The following GPHN variants were observed in gnomAD, a reference collection of about 807,000 sequenced individuals.
The protein encoded by GPHN is gephyrin.
In GPHN, 17 loss-of-function variants were observed where a neutral mutation model predicts 95.5. That is an observed-to-expected ratio of 0.18 (90% CI 0.12 to 0.27). The LOEUF (loss-of-function observed/expected upper bound fraction) is 0.27, where lower values mean the gene tolerates loss of function less well. GPHN is among the 10% of genes least tolerant of loss of function. The pLI, the probability that GPHN is intolerant of heterozygous loss-of-function variation, is 1.00. For synonymous variants in GPHN, 320 were observed against 322.5 expected (o/e 0.99, Z 0.08); for missense variants, 660 against 978.1 (o/e 0.67, Z 4.34).
chr14:66,718,620 T>G (rs952626160), intron 2 of GPHN, among the ~76,000 whole-genome samples: 2 of 152,154 alleles, frequency 1.3e-5, no homozygotes, highest in African/African-American at 2.4e-5. Flanking sequence ...GAGTGCTGAT[T>G]GGTGCGTTTA....
At chr14:67,334,934 C>CTAT in the GPHN span, 1 of 152,192 alleles carries the variant, frequency 6.6e-6, no homozygotes, top group Non-Finnish European at 1.5e-5. Flanking sequence ...AAGAGCTAAA[C>CTAT]TATTGGCAGT....
chr14:66,926,180 C>T (rs915963920), intron 8 of GPHN, among the ~76,000 whole-genome samples: 1 of 152,040 alleles, frequency 6.6e-6, no homozygotes, highest in African/African-American at 2.4e-5. Flanking sequence ...AATATTTTCT[C>T]CCATACCTTG....
chr14:66,746,584 G>C lies in GPHN; in HGVS notation c.144-29880G>C, dbSNP rs895117054. On this transcript the variant is annotated intron_variant, in intron 2 of 22. Coordinates refer to ENST00000478722, the MANE Select transcript of GPHN (RefSeq NM_020806.5). Reference sequence around the variant, plus strand: ...AAATCCATAAATGGGCAGATCCAGGGTGAGTAAAAGTTCAAAACAACTTTA... The same window carrying C: ...AAATCCATAAATGGGCAGATCCAGGCTGAGTAAAAGTTCAAAACAACTTTA... Among the ~76,000 whole-genome samples, 967 of 152,228 alleles carry C rather than the reference G, an allele frequency of 6.4e-3. 12 individuals are homozygous for C. Among genetic ancestry groups the C allele is most frequent in the African/African-American group, 0.022 (921 of 41,534 alleles).
the GPHN span, among the ~76,000 whole-genome samples, chr14:67,228,706 G>A: frequency 6.6e-6 from 1 of 152,110 alleles, no homozygotes; most frequent in African/African-American, 2.4e-5. Context: ...GGGATTGATG[G>A]AAAAATTTGT....
Position 66,725,063 on chromosome 14 carries a change from G to A in GPHN, c.143+43878G>A, listed in dbSNP as rs556464067. Among the ~76,000 whole-genome samples, 6 of 152,276 alleles carry A rather than the reference G, an allele frequency of 3.9e-5. No homozygotes were observed. The South Asian group carries it at 1.2e-3, about 32-fold the overall frequency. ...CTTCTTATAGGGCCACAGTCTTAATGCAATAGGACGGTGGCCTTATAACAA... is the reference window on the plus strand; with the variant it reads ...CTTCTTATAGGGCCACAGTCTTAATACAATAGGACGGTGGCCTTATAACAA... On this transcript the variant is annotated intron_variant, in intron 2 of 22. Coordinates refer to ENST00000478722, the MANE Select transcript of GPHN (RefSeq NM_020806.5).
chr14:67,404,046 G>A, the GPHN span, among the ~76,000 whole-genome samples: 29 of 151,490 alleles, frequency 1.9e-4, no homozygotes, highest in Non-Finnish European at 3.8e-4. Context: ...CAGTGAGACT[G>A]CCAAAAAAAT....
intron 4 of GPHN, among the ~76,000 whole-genome samples, chr14:66,849,468 GA>G (rs1448761225): frequency 6.6e-6 from 1 of 151,866 alleles, no homozygotes; most frequent in Non-Finnish European, 1.5e-5. Flanking sequence ...TACCCTCTTA[GA>G]ATATGTACAA....
At chr14:66,508,743 G>A in intron 1 of GPHN, 152 bp downstream of exon 1, 1 of 730,322 alleles carries the variant, frequency 1.4e-6, no homozygotes, top group African/African-American at 1.7e-5. Flanking sequence ...GCTGAGAACC[G>A]CCGGAGATTG....
At chr14:66,703,099 A>G (rs1285755297) in intron 2 of GPHN, among the ~76,000 whole-genome samples, 1 of 152,216 alleles carries the variant, frequency 6.6e-6, no homozygotes, top group Non-Finnish European at 1.5e-5. Context: ...GAGATAAAAG[A>G]ATGAAAAGGA....
chr14:66,938,800 A>G (rs2067252731), intron 8 of GPHN, among the ~76,000 whole-genome samples: 1 of 152,206 alleles, frequency 6.6e-6, no homozygotes, highest in Non-Finnish European at 1.5e-5. Flanking sequence ...TGTAACCAAT[A>G]ATATCAAAAT....
At chr14:67,378,777 G>C in the GPHN span, among the ~76,000 whole-genome samples, 4 of 152,058 alleles carry the variant, frequency 2.6e-5, no homozygotes, top group Non-Finnish European at 5.9e-5. Flanking sequence ...TTTAACTAAT[G>C]CTAGTTCTTT....
chr14:67,662,957 AC>A, the GPHN span: 1 of 1,332,206 alleles, frequency 7.5e-7, no homozygotes, highest in African/African-American at 1.5e-5. Context: ...GAAACCCCTC[AC>A]CACTCCCACA....
chr14:66,996,676 T>C (rs962065070), intron 9 of GPHN, among the ~76,000 whole-genome samples: 26 of 152,158 alleles, frequency 1.7e-4, no homozygotes, highest in Non-Finnish European at 2.6e-4. Context: ...CAAAATTGAT[T>C]ATTAAATAGA....
At chr14:67,252,012 G>A in the GPHN span, among the ~76,000 whole-genome samples, 2 of 152,090 alleles carry the variant, frequency 1.3e-5, no homozygotes, top group Admixed American at 6.5e-5. Context: ...TCAAGGTGCT[G>A]GGAGGCTGGT....
chr14:67,316,790 T>C, the GPHN span: 28 of 1,531,912 alleles, frequency 1.8e-5, 1 homozygote, highest in South Asian at 2.4e-4. Context: ...CTTATCCTTT[T>C]ATCTTAAATA....
the GPHN span, among the ~76,000 whole-genome samples, chr14:67,355,698 T>C: frequency 6.6e-6 from 1 of 151,866 alleles, no homozygotes; most frequent in African/African-American, 2.4e-5. Flanking sequence ...TGGAGGACCT[T>C]AGGAAGAATG....
chr14:67,253,649 C>T, the GPHN span, among the ~76,000 whole-genome samples: 5 of 152,092 alleles, frequency 3.3e-5, no homozygotes, highest in African/African-American at 9.6e-5. Flanking sequence ...GTTCCAGACC[C>T]GCCTAGACAA....
intron 4 of GPHN, among the ~76,000 whole-genome samples, chr14:66,825,660 AATT>A (rs1046376773): frequency 6.7e-6 from 1 of 149,746 alleles, no homozygotes; most frequent in African/African-American, 2.5e-5. Context: ...CAATTTTAAG[AATT>A]ATTTTTTTTC....
the GPHN span, chr14:67,651,228 G>A: frequency 7.1e-7 from 1 of 1,409,240 alleles, no homozygotes; most frequent in East Asian, 2.4e-5. Flanking sequence ...ACATTTAAGT[G>A]GTTTTTCATC....
Sources: gnomAD v4.1 joint callset for allele counts (sites outside exome capture counted in the v4.1 genomes callset) on GRCh38, gnomAD v4.1.1 for gene constraint, MANE v1.5 for transcripts, NCBI Gene and HGNC (gene_info 2026-07-23, HGNC 2026-07-21) for gene names.